Variants in THSD7B observed in about 807,000 individuals in gnomAD.
The protein encoded by THSD7B is thrombospondin type-1 domain-containing protein 7B.
THSD7B carries 138 observed loss-of-function variants against 213.6 expected under a neutral mutation model. The observed-to-expected ratio is 0.65, with a 90% CI of 0.56 to 0.74. The LOEUF is 0.74. Ranked by LOEUF, THSD7B falls within the 30% of genes least tolerant of loss-of-function variation. The pLI, the probability that THSD7B is intolerant of heterozygous loss-of-function variation, is 0.00. For missense variants in THSD7B, 1,931 were observed against 1,991.5 expected, an observed-to-expected ratio of 0.97 and a Z score of 0.58; for synonymous variants, 742 against 687.0, an observed-to-expected ratio of 1.08 and a Z score of -1.25.
chr2:136,937,766 A>G (rs1262100943), intron 2 of THSD7B, among the ~76,000 whole-genome samples: 1 of 152,164 alleles, frequency 6.6e-6, no homozygotes, highest in Non-Finnish European at 1.5e-5. Flanking sequence ...TGCTTCTTAG[A>G]TGTAGCGTGG....
chr2:136,810,923 G>T (rs1682365175), intron 1 of THSD7B, among the ~76,000 whole-genome samples: 1 of 152,174 alleles, frequency 6.6e-6, no homozygotes, highest in Non-Finnish European at 1.5e-5. Context: ...TTGTTCCCTT[G>T]CACTGAATGT....
chr2:136,954,740 T>TACAAAAAG lies in THSD7B; in HGVS notation c.139+72426_139+72427insAAAAGACA, dbSNP rs1685097439. On this transcript the variant is annotated intron_variant, in intron 2 of 27. Coordinates refer to ENST00000409968, the MANE Select transcript of THSD7B (RefSeq NM_001316349.2). ...AAAAAAAAAAAAAAAAAAAAGAAAT[T>TACAAAAAG]ACATAAGAGCTTTTATACTGTTTAT... Among the ~76,000 whole-genome samples, 4 of 137,496 alleles carry TACAAAAAG rather than the reference T, an allele frequency of 2.9e-5. No individual in the cohort carries two copies. In the East Asian group the frequency reaches 8.6e-4, roughly 30 times the overall value. 90.2% of individuals were successfully genotyped at this position (137,496 alleles called of 152,430 possible).
intron 5 of THSD7B, among the ~76,000 whole-genome samples, chr2:137,122,079 C>T (rs1263161805): frequency 6.6e-6 from 1 of 152,114 alleles, no homozygotes; most frequent in Non-Finnish European, 1.5e-5. Flanking sequence ...AGAGATTGGC[C>T]TGGACTGAAA....
intron 12 of THSD7B, among the ~76,000 whole-genome samples, chr2:137,329,479 C>T (rs951868154): frequency 6.6e-6 from 1 of 152,106 alleles, no homozygotes; most frequent in African/African-American, 2.4e-5. Context: ...AATTCTCTTA[C>T]CTCAGCCTCC....
In THSD7B at chr2:137,320,013, G is replaced by A. The variant is rs191412826; in HGVS notation, c.2500+43987G>A. 3.3e-3 allele frequency among the ~76,000 whole-genome samples: 501 copies of A among 152,262 alleles called. 3 individuals carry two copies. The highest frequency in any genetic ancestry group is 0.011 in the African/African-American group (473 of 41,548). ...GGAGACATTCACTGAGGATTATGGA[G>A]TAGAAATACAGAAAGGTCCTAAGGG... On this transcript the variant is annotated intron_variant, in intron 12 of 27. Transcript: ENST00000409968.
chr2:137,284,120 A>G lies in THSD7B; in HGVS notation c.2500+8094A>G, dbSNP rs531092723. On this transcript the variant is annotated intron_variant, in intron 12 of 27. Coordinates refer to ENST00000409968, the MANE Select transcript of THSD7B (RefSeq NM_001316349.2). Reference sequence around the variant, plus strand: ...CAGAGATTCCACTTCTTCCTGGTTTAGTCTTGGGAGAGTGTATGTGTCAAG... The same window carrying G: ...CAGAGATTCCACTTCTTCCTGGTTTGGTCTTGGGAGAGTGTATGTGTCAAG... Among the ~76,000 whole-genome samples, 20 of 152,236 alleles carry G rather than the reference A, an allele frequency of 1.3e-4. No individual in the cohort carries two copies. The South Asian group carries it at 2.9e-3, about 22-fold the overall frequency.
In THSD7B at chr2:137,556,263, A is replaced by G. The variant is rs374005933; in HGVS notation, c.3139-6958A>G. Among the ~76,000 whole-genome samples, 7 of 152,340 alleles carry G rather than the reference A, an allele frequency of 4.6e-5. No individual in the cohort carries two copies. In the South Asian group the frequency reaches 6.2e-4, roughly 14 times the overall value. On this transcript the variant is annotated intron_variant, in intron 15 of 27. Coordinates refer to ENST00000409968, the MANE Select transcript of THSD7B (RefSeq NM_001316349.2). ...TGTCAGATTCACCAAAGTTGAAATG[A>G]AGCAAAAAATGTTAAGGGCAGACAG... is the stretch of plus-strand genomic sequence containing the variant.
chr2:137,639,691 C>A (rs1289740017), intron 20 of THSD7B, among the ~76,000 whole-genome samples: 2 of 152,160 alleles, frequency 1.3e-5, no homozygotes, highest in Non-Finnish European at 2.9e-5. Context: ...CCATGGCAAC[C>A]CACCTTTTGC....
intron 14 of THSD7B, among the ~76,000 whole-genome samples, chr2:137,413,242 C>T (rs1686711656): frequency 6.6e-6 from 1 of 151,892 alleles, no homozygotes; most frequent in Admixed American, 6.6e-5. Context: ...AGTAATGGAC[C>T]CATTTTAAGG....
intron 3 of THSD7B, among the ~76,000 whole-genome samples, chr2:137,059,352 T>C (rs926957551): frequency 6.6e-6 from 1 of 152,196 alleles, no homozygotes; most frequent in Non-Finnish European, 1.5e-5. Flanking sequence ...TTGGTTACAA[T>C]TGATGAGCTA....
chr2:136,937,658 CATT>C (rs1370895182), intron 2 of THSD7B, among the ~76,000 whole-genome samples: 2 of 152,088 alleles, frequency 1.3e-5, no homozygotes, highest in East Asian at 3.9e-4. Context: ...TATCACCAAG[CATT>C]AATATTAACT....
intron 12 of THSD7B, among the ~76,000 whole-genome samples, chr2:137,308,822 T>A (rs1369512721): frequency 6.6e-6 from 1 of 152,138 alleles, no homozygotes; most frequent in Non-Finnish European, 1.5e-5. Flanking sequence ...GACACACAAC[T>A]GTTTTTTTCC....
intron 7 of THSD7B, among the ~76,000 whole-genome samples, chr2:137,174,158 C>A (rs2104998435): frequency 6.6e-6 from 1 of 152,204 alleles, no homozygotes; most frequent in African/African-American, 2.4e-5. Flanking sequence ...GCTTGTTTAC[C>A]ATTTTTAGGC....
intron 14 of THSD7B, among the ~76,000 whole-genome samples, chr2:137,428,101 A>G (rs1379922017): frequency 6.6e-6 from 1 of 152,190 alleles, no homozygotes; most frequent in Non-Finnish European, 1.5e-5. Flanking sequence ...TTACAAGACA[A>G]CAAATAAAAG....
chr2:137,080,649 A>T (rs10182508), intron 3 of THSD7B, among the ~76,000 whole-genome samples: 1 of 151,806 alleles, frequency 6.6e-6, no homozygotes, highest in Non-Finnish European at 1.5e-5. Context: ...GTTTTAAATT[A>T]TTTCCACCTG....
chr2:137,359,217 C>T (rs1685200408), intron 12 of THSD7B, among the ~76,000 whole-genome samples: 1 of 152,136 alleles, frequency 6.6e-6, no homozygotes, highest in African/African-American at 2.4e-5. Context: ...TGTATCCAAC[C>T]TTCAGGGTCC....
intron 15 of THSD7B, among the ~76,000 whole-genome samples, chr2:137,526,327 A>T (rs1197440397): frequency 6.6e-6 from 1 of 152,184 alleles, no homozygotes; most frequent in Non-Finnish European, 1.5e-5. Flanking sequence ...AGGGGCTGAG[A>T]ATGCAAAGCT....
chr2:137,489,321 A>T (rs1033717398), intron 15 of THSD7B, among the ~76,000 whole-genome samples: 1 of 151,886 alleles, frequency 6.6e-6, no homozygotes, highest in Non-Finnish European at 1.5e-5. Flanking sequence ...ACTACTTGGG[A>T]GGCTGAGGCA....
intron 15 of THSD7B, among the ~76,000 whole-genome samples, chr2:137,547,240 C>G (rs13420065): frequency 0.017 from 2,576 of 152,120 alleles, 68 homozygotes; most frequent in African/African-American, 0.059. Flanking sequence ...TATAAAACAC[C>G]ACTTCTGGCT....
Sources: gnomAD v4.1 joint callset for allele counts (sites outside exome capture counted in the v4.1 genomes callset) on GRCh38, gnomAD v4.1.1 for gene constraint, MANE v1.5 for transcripts, NCBI Gene and HGNC (gene_info 2026-07-23, HGNC 2026-07-21) for gene names.